The following ZFYVE28 variants were observed in gnomAD, a reference collection of about 807,000 sequenced individuals.
ZFYVE28 encodes zinc finger FYVE-type containing 28, also known as lateral signaling target protein 2 homolog.
In ZFYVE28, 40 loss-of-function variants were observed where a neutral mutation model predicts 82.1. The ratio of observed to expected loss-of-function variants is 0.49; its 90% confidence interval spans 0.38 to 0.63. ZFYVE28 has a LOEUF of 0.63. Among genes scored for constraint, ZFYVE28 ranks in the 30% least tolerant of loss-of-function variants. The pLI is 0.00. For missense variants in ZFYVE28, 1,321 were observed against 1,242.1 expected (o/e 1.06, Z -0.96); for synonymous variants, 612 against 546.1 (o/e 1.12, Z -1.68).
At chr4:2,326,253 T>C (rs1471423511) in intron 6 of ZFYVE28, among the ~76,000 whole-genome samples, 1 of 152,252 alleles carries the variant, frequency 6.6e-6, no homozygotes, top group Non-Finnish European at 1.5e-5. Flanking sequence ...GATAAGGTTC[T>C]AGCTTCATTC....
At chr4:2,275,535 T>G (rs975242862) in intron 8 of ZFYVE28, among the ~76,000 whole-genome samples, 1 of 152,252 alleles carries the variant, frequency 6.6e-6, no homozygotes. Flanking sequence ...TTTTTTTCAG[T>G]TGCCACTGGC....
intron 3 of ZFYVE28, among the ~76,000 whole-genome samples, chr4:2,340,206 T>TC: frequency 6.6e-6 from 1 of 152,124 alleles, no homozygotes; most frequent in South Asian, 2.1e-4. Context: ...AACGCAACCT[T>TC]CCCCGGAACG....
At chr4:2,378,247 G>A (rs1015457049) in intron 1 of ZFYVE28, among the ~76,000 whole-genome samples, 2 of 152,146 alleles carry the variant, frequency 1.3e-5, no homozygotes, top group Non-Finnish European at 2.9e-5. Context: ...AGGCTGAGGC[G>A]TAAGAATTGC....
At chr4:2,395,193 C>A (rs922957160) in intron 1 of ZFYVE28, among the ~76,000 whole-genome samples, 6 of 126,242 alleles carry the variant, frequency 4.8e-5, no homozygotes, top group Non-Finnish European at 1.1e-4. Context: ...TCCCCCATCT[C>A]GGTTCCTTCT....
intron 8 of ZFYVE28, among the ~76,000 whole-genome samples, chr4:2,288,904 C>T (rs767897562): frequency 3.3e-5 from 5 of 152,174 alleles, no homozygotes; most frequent in Non-Finnish European, 5.9e-5. Flanking sequence ...AATCCTAGGC[C>T]GCAGTGAGCC....
intron 8 of ZFYVE28, among the ~76,000 whole-genome samples, chr4:2,278,300 A>G (rs891108778): frequency 4.9e-5 from 7 of 142,000 alleles, no homozygotes; most frequent in African/African-American, 1.6e-4. Flanking sequence ...TGAGCCTCCC[A>G]TCTCAGCCTC....
chr4:2,312,726 CAAAAAAA>C lies in ZFYVE28; in HGVS notation c.804-7197_804-7191del, dbSNP rs1170479977. On this transcript the variant is annotated intron_variant, in intron 7 of 12. Coordinates refer to ENST00000290974, the MANE Select transcript of ZFYVE28 (RefSeq NM_020972.3). ...TGGGCGACAGAGCGAGACTCTGCCTCAAAAAAAAAAAAAAAAAAAAAAAAAGAAGTGT... is the reference window on the plus strand; with the variant it reads ...TGGGCGACAGAGCGAGACTCTGCCTCAAAAAAAAAAAAAAAAAAGAAGTGT... Among the ~76,000 whole-genome samples the C allele has an allele frequency of 7.7e-5, 5 of 64,930 alleles. No individual in the cohort carries two copies. In the East Asian group the frequency reaches 1.7e-3, roughly 22 times the overall value. 42.6% of individuals were successfully genotyped at this position (64,930 alleles called of 152,430 possible). A position where few individuals can be genotyped will look rare whatever the true frequency, so the allele number is the denominator to read the frequency against.
chr4:2,337,821 T>C (rs1722090642), intron 4 of ZFYVE28, among the ~76,000 whole-genome samples: 3 of 151,966 alleles, frequency 2.0e-5, no homozygotes. Flanking sequence ...CAGTGAATGG[T>C]GATGGTGCCA....
intron 8 of ZFYVE28, chr4:2,287,270 T>C (rs1053124041): frequency 6.6e-6 from 1 of 152,258 alleles, no homozygotes; most frequent in African/African-American, 2.4e-5. Context: ...CCTAAGAGCA[T>C]CTCTCACCCG....
At position 2,417,633 on chromosome 4, in the gene ZFYVE28, G is replaced by T. The variant is rs111512846; in HGVS notation, c.39+652C>A. ...GGACAAGGATAGGGACAAGGGAGGG[G>T]ACGCGAACTGGGCCGAGGTGTGGGT... On this transcript the variant is annotated intron_variant, in intron 1 of 12. Coordinates refer to ENST00000290974, the MANE Select transcript of ZFYVE28 (RefSeq NM_020972.3). The surrounding 1 kb of genome is among the most constrained non-coding windows in gnomAD (Gnocchi z 4.8). Among the ~76,000 whole-genome samples, 55 of 152,132 alleles carry T rather than the reference G, an allele frequency of 3.6e-4. No individual in the cohort carries two copies. Among genetic ancestry groups the T allele is most frequent in the Non-Finnish European group, 6.9e-4 (47 of 67,990 alleles).
At chr4:2,340,091 G>T (rs983923859) in intron 3 of ZFYVE28, among the ~76,000 whole-genome samples, 2 of 152,174 alleles carry the variant, frequency 1.3e-5, no homozygotes, top group African/African-American at 4.8e-5. Context: ...CCACAATCAG[G>T]TCTGTGCTCC....
At chr4:2,364,222 C>T (rs1308199219) in intron 1 of ZFYVE28, among the ~76,000 whole-genome samples, 1 of 152,198 alleles carries the variant, frequency 6.6e-6, no homozygotes, top group Admixed American at 6.5e-5. Context: ...CACATCAACT[C>T]TGCCCACCCG....
chr4:2,274,300 G>C (rs116677823), intron 8 of ZFYVE28, 84 bp from the exon 9 acceptor site: 49,058 of 1,507,816 alleles, frequency 0.033, 954 homozygotes, highest in Middle Eastern at 0.054. Flanking sequence ...CAAGACAAAA[G>C]TCTGTGTCCT....
chr4:2,273,163 G>C lies in ZFYVE28; in HGVS notation c.2323+10C>G. 6.2e-7 allele frequency: 1 copy of C among 1,608,050 alleles called. No individual in the cohort carries two copies. The highest frequency in any genetic ancestry group is 1.1e-5 in the South Asian group (1 of 90,576). ...GCAGGCCTCAGAGCCCGTCCTGAGT[G>C]GGCACTCACCCTTCCTTAACTTTTC... is the stretch of plus-strand genomic sequence containing the variant. On this transcript the variant is annotated intron_variant, in intron 10 of 12. Transcript: ENST00000290974.
rs77425521 is a variant in ZFYVE28 at position 2,393,028 on chromosome 4, G to A, written c.39+25257C>T. Among the ~76,000 whole-genome samples, 824 of 152,324 alleles carry A rather than the reference G, an allele frequency of 5.4e-3. 4 individuals are homozygous for A. The highest frequency in any genetic ancestry group is 0.018 in the African/African-American group (768 of 41,558). On this transcript the variant is annotated intron_variant, in intron 1 of 12. Transcript: ENST00000290974. The stretch of plus-strand genomic sequence containing the variant: ...GGATCTTTTGCTCCTGTCTTGGAAG[G>A]AATTGGATTCACAAAGCTCCCCGTG...
At chr4:2,380,292 G>T (rs1307438878) in intron 1 of ZFYVE28, among the ~76,000 whole-genome samples, 1 of 152,194 alleles carries the variant, frequency 6.6e-6, no homozygotes, top group African/African-American at 2.4e-5. Flanking sequence ...CTGCAATGCT[G>T]TTCCTGCGTT....
In ZFYVE28 at chr4:2,320,329, G is replaced by T; in HGVS notation, c.702-58C>A. On this transcript the variant is annotated intron_variant, in intron 6 of 12. Transcript: ENST00000290974. This position sits in a 1 kb window ranked among gnomAD's most constrained non-coding sequence, Gnocchi z 5.1. ...GCCCTGTGGCCCCCTGGGTGCCGCG[G>T]ACGGCCCAACTTAACCACCTGCGAA... 3 of 1,535,972 alleles carry T rather than the reference G, an allele frequency of 2.0e-6. No individual in the cohort carries two copies. Among genetic ancestry groups the T allele is most frequent in the Non-Finnish European group, 2.7e-6 (3 of 1,124,440 alleles).
chr4:2,337,253 C>T (rs1002346738), intron 5 of ZFYVE28, among the ~76,000 whole-genome samples, 154 bp downstream of exon 5: 10 of 151,996 alleles, frequency 6.6e-5, no homozygotes, highest in East Asian at 1.9e-4. Context: ...GAGGAGAAGC[C>T]GGATGTAGTG....
intron 1 of ZFYVE28, among the ~76,000 whole-genome samples, chr4:2,413,392 G>T (rs906265333): frequency 6.6e-6 from 1 of 152,238 alleles, no homozygotes; most frequent in African/African-American, 2.4e-5. Flanking sequence ...ATGCAGAGCC[G>T]CCGGGGGAGC....
Sources: gnomAD v4.1 joint callset for allele counts (sites outside exome capture counted in the v4.1 genomes callset) on GRCh38, gnomAD v4.1.1 for gene constraint, Gnocchi (gnomAD v3.1) non-coding constraint, MANE v1.5 for transcripts, NCBI Gene and HGNC (gene_info 2026-07-23, HGNC 2026-07-21) for gene names.